Variants in TRPM5 observed in about 807,000 individuals in gnomAD.
TRPM5 encodes the protein MLSN1 and TRP-related.
Under a neutral mutation model 124.9 loss-of-function variants are expected in TRPM5, and 121 were observed. The ratio of observed to expected loss-of-function variants is 0.97; its 90% CI spans 0.84 to 1.13. The LOEUF (loss-of-function observed/expected upper bound fraction) is 1.13, where lower values mean the gene tolerates loss of function less well. Among genes scored for constraint, TRPM5 ranks in the 50% most tolerant of loss-of-function variants. TRPM5 has a pLI of 0.00. For synonymous variants in TRPM5, 781 were observed against 700.5 expected (o/e 1.11, Z -1.81); for missense variants, 1,643 against 1,589.1 (o/e 1.03, Z -0.58).
chr11:2,404,117 C>A (rs561267166), downstream of TRPM5, among the ~76,000 whole-genome samples: 24 of 152,306 alleles, frequency 1.6e-4, no homozygotes, highest in South Asian at 4.8e-3. Context: ...ATCTGCCCTC[C>A]CCCAACCAAA....
exon 2 of TRPM5, chr11:2,422,247 G>C (rs929000539): frequency 2.5e-6 from 4 of 1,612,382 alleles, no homozygotes; most frequent in Non-Finnish European, 3.4e-6. Flanking sequence ...CCAGGTTGGG[G>C]GCCGGCAGGT....
chr11:2,441,058 A>G, the TRPM5 span, among the ~76,000 whole-genome samples: 1 of 152,210 alleles, frequency 6.6e-6, no homozygotes, highest in Non-Finnish European at 1.5e-5. The surrounding 1 kb of genome is among the most constrained non-coding windows in gnomAD (Gnocchi z 7.2). Flanking sequence ...ATTGAGTGCC[A>G]TGTTTCCAGA....
intron 2 of TRPM5, 84 bp downstream of exon 7, chr11:2,422,057 T>C: frequency 7.0e-7 from 1 of 1,437,366 alleles, no homozygotes; most frequent in Non-Finnish European, 9.2e-7. Context: ...GTGGGAGCAC[T>C]GCCTGTGCCG....
the TRPM5 span, among the ~76,000 whole-genome samples, chr11:2,430,075 C>T: frequency 6.6e-6 from 1 of 152,072 alleles, no homozygotes; most frequent in Non-Finnish European, 1.5e-5. Context: ...GAAGTTCTTC[C>T]CCAGCCAACT....
intron 19 of TRPM5, 45 bp downstream of exon 24, chr11:2,407,714 C>T (rs1295349435): frequency 1.2e-5 from 20 of 1,603,088 alleles, no homozygotes; most frequent in Non-Finnish European, 1.7e-5. Context: ...ACCCTCTGCT[C>T]CCTCCGCTCC....
intron 4 of TRPM5, among the ~76,000 whole-genome samples, chr11:2,419,850 C>A (rs1024838570): frequency 2.6e-5 from 4 of 152,228 alleles, no homozygotes; most frequent in African/African-American, 9.7e-5. Context: ...GCATACCTCA[C>A]GCCTGGCGGC....
intron 15 of TRPM5, among the ~76,000 whole-genome samples, chr11:2,412,472 G>T (rs905977671): frequency 1.3e-5 from 2 of 152,246 alleles, no homozygotes; most frequent in Non-Finnish European, 2.9e-5. Flanking sequence ...TTTGTGCCCA[G>T]GGTCTAGGGA....
intron 18 of TRPM5, 33 bp from the exon 24 acceptor site, chr11:2,407,945 G>T: frequency 6.2e-7 from 1 of 1,606,154 alleles, no homozygotes; most frequent in Non-Finnish European, 8.5e-7. Context: ...GGACCAGACC[G>T]GGGGCAGCCA....
At chr11:2,435,662 T>C in the TRPM5 span, among the ~76,000 whole-genome samples, 6 of 151,862 alleles carry the variant, frequency 4.0e-5, no homozygotes, top group African/African-American at 1.2e-4. This position sits in a 1 kb window ranked among gnomAD's most constrained non-coding sequence, Gnocchi z 4.1. Flanking sequence ...TGTCTGTTCA[T>C]CCATCTGTCC....
At chr11:2,406,726 G>A (rs966842909) in exon 21 of TRPM5, 2 of 1,613,578 alleles carry the variant, frequency 1.2e-6, no homozygotes, top group Non-Finnish European at 1.7e-6. Context: ...TCTTGCTCAG[G>A]AAGTTCTCCT....
rs1214704879 is a variant in TRPM5, at chr11:2,405,529, C to T, written c.3389G>A (p.Arg1130Gln). 24 of 1,558,376 alleles carry T rather than the reference C, an allele frequency of 1.5e-5. No homozygotes were observed. The highest frequency in any genetic ancestry group is 4.7e-5 in the South Asian group (4 of 84,568). The change falls in exon 23 of 24, where the codon CGG becomes CAG. Residue 1130 changes from arginine (R) to glutamine (Q), a missense_variant and splice_region_variant. By Grantham distance (43) the Arg-to-Gln change is conservative (BLOSUM62 1). Transcript: ENST00000155858. ...CCACGCTCCCCAAACAGGCTTACTC[C>T]GGGGGCCGCCACCCTGGGCCAGCAC...
chr11:2,405,925 CTG>C, intron 22 of TRPM5, 92 bp downstream of exon 27: 1 of 1,195,882 alleles, frequency 8.4e-7, no homozygotes, highest in Non-Finnish European at 1.2e-6. Flanking sequence ...TGCCTCATCT[CTG>C]TGAGTGACCG....
chr11:2,405,078 A>G lies in TRPM5; in HGVS notation c.3392-35T>C, dbSNP rs201424378. 6.2e-4 allele frequency: 980 copies of G among 1,580,684 alleles called. 5 individuals are homozygous for G. In the African/African-American group the frequency reaches 0.011, roughly 18 times the overall value. ...AGGAAGGCCCCCCTGAGCGGTGGGA[A>G]CCAGCAAGGCAGGCCCAGGAAGGGG... On this transcript the variant is annotated intron_variant, in intron 23 of 23. Transcript: ENST00000155858.
chr11:2,406,444 G>A (rs575171392), intron 21 of TRPM5, among the ~76,000 whole-genome samples: 131 of 152,248 alleles, frequency 8.6e-4, no homozygotes, highest in Middle Eastern at 3.4e-3. Flanking sequence ...AGGGCGCCAC[G>A]GTCACTGTGC....
At chr11:2,438,256 G>A in the TRPM5 span, among the ~76,000 whole-genome samples, 1 of 152,144 alleles carries the variant, frequency 6.6e-6, no homozygotes, top group South Asian at 2.1e-4. This position sits in a 1 kb window ranked among gnomAD's most constrained non-coding sequence, Gnocchi z 5.9. Flanking sequence ...GCTGGCAAAA[G>A]CATTCCCCTT....
At chr11:2,432,757 A>G in the TRPM5 span, among the ~76,000 whole-genome samples, 2 of 152,224 alleles carry the variant, frequency 1.3e-5, no homozygotes, top group Non-Finnish European at 2.9e-5. Flanking sequence ...TCCCCATGCC[A>G]GTGTGGTGGG....
exon 10 of TRPM5, chr11:2,414,934 G>T: frequency 6.2e-7 from 1 of 1,604,642 alleles, no homozygotes. Context: ...TGGCCATCTC[G>T]TGGCGGTTCT....
upstream of TRPM5, among the ~76,000 whole-genome samples, chr11:2,427,891 C>T (rs1408675550): frequency 6.6e-6 from 1 of 152,168 alleles, no homozygotes; most frequent in Non-Finnish European, 1.5e-5. Context: ...GAGGGACTGT[C>T]TCCTCCCTGC....
At chr11:2,434,621 A>G in the TRPM5 span, among the ~76,000 whole-genome samples, 2 of 143,250 alleles carry the variant, frequency 1.4e-5, no homozygotes, top group African/African-American at 5.3e-5. Context: ...GTGTAGGTGC[A>G]CTGTGTGTGT....
Sources: gnomAD v4.1 joint callset for allele counts (sites outside exome capture counted in the v4.1 genomes callset) on GRCh38, gnomAD v4.1.1 for gene constraint, Gnocchi (gnomAD v3.1) non-coding constraint, MANE v1.5 for transcripts, NCBI Gene and HGNC (gene_info 2026-07-23, HGNC 2026-07-21) for gene names.